The following MYO16 variants were observed in gnomAD, a reference collection of about 807,000 sequenced individuals.
MYO16 encodes the protein unconventional myosin-XVI.
In MYO16, 94 loss-of-function variants were observed where a neutral mutation model predicts 205.3. That is an observed-to-expected ratio of 0.46 (90% CI 0.39 to 0.54). The LOEUF (loss-of-function observed/expected upper bound fraction) is 0.54, where lower values mean the gene tolerates loss of function less well. Ranked by LOEUF, MYO16 falls within the 20% of genes least tolerant of loss-of-function variation. The pLI is 0.00. For synonymous variants in MYO16, 988 were observed against 954.0 expected (o/e 1.04, Z -0.66); for missense variants, 2,315 against 2,387.5 (o/e 0.97, Z 0.63).
intron 2 of MYO16, among the ~76,000 whole-genome samples, chr13:108,708,036 G>A (rs1292236345): frequency 1.3e-5 from 2 of 152,140 alleles, no homozygotes; most frequent in Non-Finnish European, 2.9e-5. Flanking sequence ...CAGCCTGTGT[G>A]TATTATTACA....
At chr13:109,014,890 C>T (rs1314310766) in intron 22 of MYO16, among the ~76,000 whole-genome samples, 1 of 152,192 alleles carries the variant, frequency 6.6e-6, no homozygotes, top group African/African-American at 2.4e-5. Context: ...TTCAAATATA[C>T]AATCATGTCA....
At chr13:108,532,666 C>T in the MYO16 span, among the ~76,000 whole-genome samples, 1 of 151,922 alleles carries the variant, frequency 6.6e-6, no homozygotes, top group East Asian at 2.0e-4. Flanking sequence ...TGGCACGTGT[C>T]TGTGGTTCCA....
intron 4 of MYO16, among the ~76,000 whole-genome samples, chr13:108,757,450 A>G (rs886191925): frequency 6.6e-6 from 1 of 152,098 alleles, no homozygotes; most frequent in African/African-American, 2.4e-5. Flanking sequence ...TCATACTTAA[A>G]GTTGTTTTTA....
At chr13:108,536,890 A>G in the MYO16 span, among the ~76,000 whole-genome samples, 1 of 152,256 alleles carries the variant, frequency 6.6e-6, no homozygotes, top group East Asian at 1.9e-4. Context: ...AATAAATCCA[A>G]CCTTAAGTCC....
chr13:108,677,154 T>G (rs1882251013), intron 2 of MYO16, among the ~76,000 whole-genome samples: 1 of 151,910 alleles, frequency 6.6e-6, no homozygotes, highest in Admixed American at 6.6e-5. Flanking sequence ...GAGGAGGGGA[T>G]TCAGGGAAGC....
chr13:108,894,602 T>C (rs1318464068), intron 14 of MYO16, among the ~76,000 whole-genome samples: 1 of 152,074 alleles, frequency 6.6e-6, no homozygotes, highest in East Asian at 1.9e-4. Context: ...GAAATGACTT[T>C]TGGTGATTAT....
At chr13:108,675,518 G>T (rs191417376) in intron 2 of MYO16, among the ~76,000 whole-genome samples, 1 of 152,214 alleles carries the variant, frequency 6.6e-6, no homozygotes, top group East Asian at 1.9e-4. Flanking sequence ...TTAATTGTCT[G>T]CTATATAGTC....
chr13:108,727,039 T>C lies in MYO16; in HGVS notation c.364-401T>C, dbSNP rs942589019. ...GCCATTAAATAGTTACACTTTATTC[T>C]TTTGACAGTGACAAAGGATGCATGT... On this transcript the variant is annotated intron_variant, in intron 3 of 34. Transcript: ENST00000457511. 5.3e-5 allele frequency among the ~76,000 whole-genome samples: 8 copies of C among 151,162 alleles called. 1 individual carries two copies. The highest frequency in any genetic ancestry group is 1.3e-4 in the Admixed American group (2 of 15,060).
At chr13:108,864,858 C>T (rs765573048) in intron 11 of MYO16, among the ~76,000 whole-genome samples, 1 of 152,126 alleles carries the variant, frequency 6.6e-6, no homozygotes, top group Non-Finnish European at 1.5e-5. Flanking sequence ...GATGTACATA[C>T]ACTTAGTGAA....
Position 108,962,514 on chromosome 13 carries a change from A to C in MYO16, c.2227+19A>C, listed in dbSNP as rs374526280. ...TTTAAAGGTAATTTTTTTATGCTCTAACATCTTTGTGCAATTTAGAATCAA... is the reference window on the plus strand; with the variant it reads ...TTTAAAGGTAATTTTTTTATGCTCTCACATCTTTGTGCAATTTAGAATCAA... On this transcript the variant is annotated intron_variant, in intron 19 of 34. Coordinates refer to ENST00000457511, the MANE Select transcript of MYO16 (RefSeq NM_001198950.3). The C allele has an allele frequency of 6.7e-7, 1 of 1,502,548 alleles. No individual in the cohort carries two copies. Among genetic ancestry groups the C allele is most frequent in the Non-Finnish European group, 9.1e-7 (1 of 1,097,866 alleles). The allele number at this position is 1,502,548 out of a possible 1,614,324, so 93.1% of individuals were successfully genotyped here.
intron 1 of MYO16, among the ~76,000 whole-genome samples, chr13:108,612,842 A>G (rs1182481385): frequency 6.6e-6 from 1 of 152,194 alleles, no homozygotes; most frequent in Non-Finnish European, 1.5e-5. Context: ...TCCCTGCTAA[A>G]TGAGAAAATA....
chr13:108,946,361 G>A (rs984837444), intron 16 of MYO16, among the ~76,000 whole-genome samples: 4 of 152,040 alleles, frequency 2.6e-5, no homozygotes, highest in Non-Finnish European at 5.9e-5. Flanking sequence ...CAAAGGAAAC[G>A]AGTAGAGCTG....
At chr13:108,701,694 G>C (rs892509829) in intron 2 of MYO16, among the ~76,000 whole-genome samples, 1 of 152,110 alleles carries the variant, frequency 6.6e-6, no homozygotes, top group Non-Finnish European at 1.5e-5. Flanking sequence ...TCCACAGAGA[G>C]AGAAAAAAGT....
chr13:108,860,479 A>C (rs145979258), intron 11 of MYO16, among the ~76,000 whole-genome samples: 69 of 152,286 alleles, frequency 4.5e-4, no homozygotes, highest in African/African-American at 1.6e-3. Context: ...ATTCGTGTGC[A>C]TGTATGTTTA....
At chr13:108,845,680 T>A (rs440546) in intron 10 of MYO16, among the ~76,000 whole-genome samples, 151,941 of 152,258 alleles carry the variant, frequency 1, 75,813 homozygotes, top group Non-Finnish European at 1. Context: ...AGTCCACAGT[T>A]CTAGACAAAT....
intron 12 of MYO16, among the ~76,000 whole-genome samples, chr13:108,876,261 T>C (rs992099510): frequency 2.0e-4 from 30 of 152,304 alleles, no homozygotes; most frequent in African/African-American, 7.2e-4. Context: ...ACCACCCATA[T>C]TGGTTTCATA....
rs1489600712 is a variant in MYO16, at chr13:108,758,541, A to G, written c.508-27094A>G. On this transcript the variant is annotated intron_variant, in intron 4 of 34. Coordinates refer to ENST00000457511, the MANE Select transcript of MYO16 (RefSeq NM_001198950.3). ...AAAGGAGCAAGTCATTCCCATGTGC[A>G]CAGGCAGATGGAGAAATGCTGGTCT... 5.9e-5 allele frequency among the ~76,000 whole-genome samples: 9 copies of G among 152,228 alleles called. No individual in the cohort carries two copies. In the South Asian group the frequency reaches 6.2e-4, roughly 10 times the overall value.
At position 108,935,112 on chromosome 13, in the gene MYO16, T is replaced by A. The variant is rs563895999; in HGVS notation, c.1926-22576T>A. ...TTGCTTTGGCTATTCGTGCTCTTTT[T>A]TTGTTTCATATGAATTTTAAACAGT... On this transcript the variant is annotated intron_variant, in intron 16 of 34. Transcript: ENST00000457511. 4.6e-5 allele frequency among the ~76,000 whole-genome samples: 7 copies of A among 152,322 alleles called. No homozygotes were observed. The South Asian group carries it at 1.4e-3, about 32-fold the overall frequency.
chr13:108,888,852 C>G lies in MYO16; in HGVS notation c.1659+375C>G, dbSNP rs145593017. Among the ~76,000 whole-genome samples the G allele has an allele frequency of 2.4e-3, 365 of 152,040 alleles. 2 individuals are homozygous for G. Among genetic ancestry groups the G allele is most frequent in the African/African-American group, 8.5e-3 (352 of 41,474 alleles). ...TGTGAATCACCTGAGGTCAGGAGTT[C>G]GAGATCGGCCTGGCCAACATTGTGA... On this transcript the variant is annotated intron_variant, in intron 14 of 34. Transcript: ENST00000457511.
Sources: gnomAD v4.1 joint callset for allele counts (sites outside exome capture counted in the v4.1 genomes callset) on GRCh38, gnomAD v4.1.1 for gene constraint, MANE v1.5 for transcripts, NCBI Gene and HGNC (gene_info 2026-07-23, HGNC 2026-07-21) for gene names.